The following FYN variants were observed in gnomAD, a reference collection of about 807,000 sequenced individuals.
FYN encodes FYN proto-oncogene, Src family tyrosine kinase.
In FYN, 10 loss-of-function variants were observed where a neutral mutation model predicts 70.2. The ratio of observed to expected loss-of-function variants is 0.14; its 90% CI spans 0.09 to 0.24. FYN has a LOEUF of 0.24. Among genes scored for constraint, FYN ranks in the 10% least tolerant of loss-of-function variants. The pLI is 1.00. For missense variants in FYN, 319 were observed against 673.1 expected (o/e 0.47, Z 5.82); for synonymous variants, 236 against 248.6 (o/e 0.95, Z 0.48).
intron 3 of FYN, among the ~76,000 whole-genome samples, chr6:111,749,212 A>C (rs1802380289): frequency 6.6e-6 from 1 of 152,210 alleles, no homozygotes; most frequent in Admixed American, 6.5e-5. Flanking sequence ...ACTTTAAAAA[A>C]ACCTTAATAT....
rs149232538 is a variant in FYN, at chr6:111,781,101, C to G, written c.-81-466G>C. ...TATGTGTAAAATAGGGATTACTGTA[C>G]TGACCTCATAGGGTTGCTATGAGGA... On this transcript the variant is annotated intron_variant, in intron 2 of 13. Transcript: ENST00000354650. 2.6e-4 allele frequency: 39 copies of G among 152,260 alleles called. 1 individual carries two copies. Among genetic ancestry groups the G allele is most frequent in the African/African-American group, 8.7e-4 (36 of 41,544 alleles). The allele number at this position is 152,260 out of a possible 1,614,324, so 9.4% of individuals were successfully genotyped here.
intron 3 of FYN, among the ~76,000 whole-genome samples, chr6:111,757,004 G>T (rs1802768286): frequency 6.6e-6 from 1 of 151,556 alleles, no homozygotes; most frequent in Non-Finnish European, 1.5e-5. Context: ...TAGCCAGAGT[G>T]GTAGGAAAAG....
intron 2 of FYN, among the ~76,000 whole-genome samples, chr6:111,802,115 G>C (rs917363817): frequency 6.6e-6 from 1 of 152,184 alleles, no homozygotes; most frequent in African/African-American, 2.4e-5. Flanking sequence ...GATGTTGGAG[G>C]TGGGGCCTGG....
chr6:111,715,404 TC>T (rs1405384583), intron 4 of FYN, among the ~76,000 whole-genome samples: 2 of 152,050 alleles, frequency 1.3e-5, no homozygotes, highest in Non-Finnish European at 2.9e-5. Context: ...TCTAGCATAG[TC>T]CCCAGTGACT....
At chr6:111,778,448 C>G (rs1429976564) in intron 3 of FYN, among the ~76,000 whole-genome samples, 1 of 152,142 alleles carries the variant, frequency 6.6e-6, no homozygotes, top group African/African-American at 2.4e-5. Context: ...AGTCCCTGTC[C>G]CATGGAGCAC....
chr6:111,844,932 T>C (rs1015513122), intron 2 of FYN: 1 of 152,268 alleles, frequency 6.6e-6, no homozygotes, highest in African/African-American at 2.4e-5. Context: ...ACCACTTTAC[T>C]GATAAGAAAA....
rs1309444598 is a variant in FYN at position 111,719,549 on chromosome 6, G to A, written c.247+256C>T. 2.3e-5 allele frequency: 9 copies of A among 391,114 alleles called. No individual in the cohort carries two copies. The East Asian group carries it at 3.7e-4, about 16-fold the overall frequency. The allele number at this position is 391,114 out of a possible 1,614,324, so 24.2% of individuals were successfully genotyped here. A position where few individuals can be genotyped will look rare whatever the true frequency, so the allele number is the denominator to read the frequency against. On this transcript the variant is annotated intron_variant, in intron 4 of 13. Transcript: ENST00000354650. ...TTGACCTACAGTGCCTCAGTAGAAT[G>A]TTGTAGCTCACTAACCCATATAGAA...
intron 12 of FYN, among the ~76,000 whole-genome samples, chr6:111,677,358 A>G (rs1258781645): frequency 6.6e-6 from 1 of 152,196 alleles, no homozygotes; most frequent in African/African-American, 2.4e-5. Flanking sequence ...TTTCTACTGA[A>G]AAGAGCTAAT....
At chr6:111,766,290 C>T (rs1213448751) in intron 3 of FYN, among the ~76,000 whole-genome samples, 1 of 152,152 alleles carries the variant, frequency 6.6e-6, no homozygotes, top group African/African-American at 2.4e-5. Flanking sequence ...AAAGTTAATG[C>T]CCTGCCCTTC....
At position 111,827,539 on chromosome 6, in the gene FYN, C is replaced by A. The variant is rs142431796; in HGVS notation, c.-82+19050G>T. ...GTAATGCCCCCTTTTGGGTCACCAGCGGCTCAGGCTTCCTGAGCTGGTCCT... is the reference window on the plus strand; with the variant it reads ...GTAATGCCCCCTTTTGGGTCACCAGAGGCTCAGGCTTCCTGAGCTGGTCCT... On this transcript the variant is annotated intron_variant, in intron 2 of 13. Coordinates refer to ENST00000354650, the MANE Select transcript of FYN (RefSeq NM_002037.5). Among the ~76,000 whole-genome samples the A allele has an allele frequency of 9.2e-3, 1,408 of 152,280 alleles. 18 individuals are homozygous for A. The highest frequency in any genetic ancestry group is 0.032 in the African/African-American group (1,335 of 41,534).
rs565351050 is a variant in FYN, at chr6:111,702,707, T to C, written c.697+178A>G. On this transcript the variant is annotated intron_variant, in intron 8 of 13. Transcript: ENST00000354650. The stretch of plus-strand genomic sequence containing the variant: ...CATGTGGAACTAATAATAACAACAG[T>C]AGAACAATAGCAATAGAACCTATAC... 6.7e-5 allele frequency: 32 copies of C among 475,356 alleles called. No homozygotes were observed. The South Asian group carries it at 1.8e-3, about 26-fold the overall frequency. 29.4% of individuals were successfully genotyped at this position (475,356 alleles called of 1,614,324 possible).
chr6:111,813,720 C>T (rs1052859900), intron 2 of FYN, among the ~76,000 whole-genome samples: 2 of 152,110 alleles, frequency 1.3e-5, no homozygotes, highest in Non-Finnish European at 2.9e-5. Context: ...CACAGGATCT[C>T]CAAAAAGCAG....
intron 9 of FYN, 41 bp downstream of exon 9, chr6:111,700,063 A>AT (rs779743059): frequency 5.0e-6 from 8 of 1,589,686 alleles, no homozygotes; most frequent in Non-Finnish European, 5.2e-6. Flanking sequence ...GGATCTTCCA[A>AT]ACGGGGAAGC....
intron 12 of FYN, among the ~76,000 whole-genome samples, chr6:111,678,150 G>GTGTGTGGT (rs3220548): frequency 8.3e-6 from 1 of 119,804 alleles, no homozygotes; most frequent in African/African-American, 3.9e-5. Context: ...GTGTGTGTGT[G>GTGTGTGGT]GTGTGTGTAC....
At position 111,730,818 on chromosome 6, in the gene FYN, C is replaced by T. The variant is rs141336081; in HGVS notation, c.-11-10756G>A. ...CAAGTATCTTCCTACCCTCCTTACC[C>T]TCATTCTATAAAAACAATCAACCAG... On this transcript the variant is annotated intron_variant, in intron 3 of 13. Coordinates refer to ENST00000354650, the MANE Select transcript of FYN (RefSeq NM_002037.5). Among the ~76,000 whole-genome samples the T allele has an allele frequency of 2.9e-4, 44 of 152,184 alleles. 1 individual carries two copies. The highest frequency in any genetic ancestry group is 1.0e-3 in the African/African-American group (42 of 41,490).
At chr6:111,814,345 C>T (rs1166404597) in intron 2 of FYN, among the ~76,000 whole-genome samples, 4 of 152,072 alleles carry the variant, frequency 2.6e-5, no homozygotes, top group African/African-American at 9.7e-5. Context: ...AACGATAAAG[C>T]CATTTTCATT....
chr6:111,762,553 TACTAACTCCA>T lies in FYN; in HGVS notation c.-12+18003_-12+18012del, dbSNP rs373885025. On this transcript the variant is annotated intron_variant, in intron 3 of 13. Coordinates refer to ENST00000354650, the MANE Select transcript of FYN (RefSeq NM_002037.5). Reference sequence around the variant, plus strand: ...AGAACAGACTCTTATAGCAATATGATACTAACTCCAACCTGACACTAGCATAACATCACAT... The same window carrying T: ...AGAACAGACTCTTATAGCAATATGATACCTGACACTAGCATAACATCACAT... 1.3e-3 allele frequency among the ~76,000 whole-genome samples: 192 copies of T among 152,280 alleles called. 2 individuals are homozygous for T. The highest frequency in any genetic ancestry group is 4.4e-3 in the African/African-American group (182 of 41,556).
rs1272504577 is a variant in FYN, at chr6:111,661,486, A to C, written c.*253T>G. ...ACTGAACAGAGGTTTGGCCTTTTAC[A>C]TAACATCGATACAATGCATTTTCCA... On this transcript the variant is annotated 3_prime_UTR_variant, in exon 14 of 14. Coordinates refer to ENST00000354650, the MANE Select transcript of FYN (RefSeq NM_002037.5). The surrounding 1 kb of genome is among the most constrained non-coding windows in gnomAD (Gnocchi z 4.0). The C allele has an allele frequency of 1.1e-5, 5 of 451,644 alleles. No individual in the cohort carries two copies. Among genetic ancestry groups the C allele is most frequent in the Non-Finnish European group, 2.0e-5 (5 of 251,926 alleles). 28.0% of individuals were successfully genotyped at this position (451,644 alleles called of 1,614,324 possible).
chr6:111,701,363 C>T (rs771226040), intron 8 of FYN, among the ~76,000 whole-genome samples: 5 of 152,132 alleles, frequency 3.3e-5, no homozygotes, highest in Non-Finnish European at 7.4e-5. Context: ...CCTGGCAGCC[C>T]CCGGACCCAG....
Sources: gnomAD v4.1 joint callset for allele counts (sites outside exome capture counted in the v4.1 genomes callset) on GRCh38, gnomAD v4.1.1 for gene constraint, Gnocchi (gnomAD v3.1) non-coding constraint, MANE v1.5 for transcripts, NCBI Gene and HGNC (gene_info 2026-07-23, HGNC 2026-07-21) for gene names.